GAS7: variants seen among roughly 807,000 people sequenced by gnomAD.
The protein encoded by GAS7 is growth arrest specific 7, also known as growth arrest-specific protein 7.
GAS7 carries 28 observed loss-of-function variants against 71.1 expected under a neutral mutation model. The ratio of observed to expected loss-of-function variants is 0.39; its 90% confidence interval spans 0.29 to 0.54. The LOEUF (loss-of-function observed/expected upper bound fraction) is 0.54. Among genes scored for constraint, GAS7 ranks in the 20% least tolerant of loss-of-function variants. The pLI is 0.62. For synonymous variants in GAS7, 258 were observed against 245.8 expected (o/e 1.05, Z -0.46); for missense variants, 436 against 627.8 (o/e 0.69, Z 3.27).
At chr17:10,150,616 TCTCA>T (rs1240823741) in intron 1 of GAS7, among the ~76,000 whole-genome samples, 2 of 87,948 alleles carry the variant, frequency 2.3e-5, no homozygotes, top group Non-Finnish European at 4.3e-5. Flanking sequence ...TTAGACAGGG[TCTCA>T]CTCTCTTGCC....
Position 9,916,154 on chromosome 17 carries a change from C to A in GAS7, c.*1074G>T. The A allele has an allele frequency of 4.3e-6, 1 of 233,102 alleles. No individual in the cohort carries two copies. Among genetic ancestry groups the A allele is most frequent in the East Asian group, 6.0e-5 (1 of 16,546 alleles). 14.4% of individuals were successfully genotyped at this position (233,102 alleles called of 1,614,324 possible). A position where few individuals can be genotyped will look rare whatever the true frequency, so the allele number is the denominator to read the frequency against. ...AGAAAACTGTACAAGGGACAGCAGTCCCAGCCCTGCCATACACAAGAAGAC... is the reference window on the plus strand; with the variant it reads ...AGAAAACTGTACAAGGGACAGCAGTACCAGCCCTGCCATACACAAGAAGAC... On this transcript the variant is annotated 3_prime_UTR_variant, in exon 14 of 14. Coordinates refer to ENST00000432992, the MANE Select transcript of GAS7 (RefSeq NM_201433.2).
In GAS7 at chr17:10,041,174, A is replaced by AAAAAAAAG. The variant is rs1555528019; in HGVS notation, c.184-21278_184-21277insCTTTTTTT. On this transcript the variant is annotated intron_variant, in intron 1 of 13. Transcript: ENST00000432992. ...AAGACTGCCTAAAAAAAAAAAAAAA[A>AAAAAAAAG]AAGAAGAAGGTAAAAGCAAAACTTC... Among the ~76,000 whole-genome samples the AAAAAAAAG allele has an allele frequency of 4.1e-4, 62 of 151,116 alleles. 2 individuals carry two copies. The South Asian group carries it at 0.011, about 27-fold the overall frequency.
intron 1 of GAS7, among the ~76,000 whole-genome samples, chr17:10,123,021 G>A (rs2073917305): frequency 6.6e-6 from 1 of 151,968 alleles, no homozygotes; most frequent in Non-Finnish European, 1.5e-5. Flanking sequence ...TTGAGGTGAC[G>A]GGGTCTCACC....
intron 9 of GAS7, among the ~76,000 whole-genome samples, chr17:9,929,720 G>T (rs964930001): frequency 2.0e-5 from 3 of 151,922 alleles, no homozygotes; most frequent in South Asian, 2.1e-4. Context: ...CTCATGATCC[G>T]CCCGCCTCGG....
intron 1 of GAS7, among the ~76,000 whole-genome samples, chr17:10,058,451 CA>C (rs1303509856): frequency 0.062 from 5,758 of 92,704 alleles, 322 homozygotes; most frequent in African/African-American, 0.19. Context: ...GACTCCGTCT[CA>C]AAAAAAAAAA....
chr17:9,935,088 C>T (rs2068351450), intron 8 of GAS7, among the ~76,000 whole-genome samples: 1 of 152,198 alleles, frequency 6.6e-6, no homozygotes, highest in African/African-American at 2.4e-5. Context: ...CACAGCGCTG[C>T]TTATAGGAAA....
chr17:9,941,166 C>T (rs1377843077), intron 7 of GAS7, among the ~76,000 whole-genome samples: 1 of 152,212 alleles, frequency 6.6e-6, no homozygotes, highest in Non-Finnish European at 1.5e-5. Context: ...TCAGGAGACT[C>T]ACAATCTCGT....
At chr17:10,055,413 C>T (rs907035288) in intron 1 of GAS7, among the ~76,000 whole-genome samples, 8 of 152,206 alleles carry the variant, frequency 5.3e-5, no homozygotes, top group African/African-American at 1.9e-4. Context: ...GAAGCTGTCC[C>T]CTGGCGGACC....
rs1567567213 is a variant in GAS7 at position 10,046,831 on chromosome 17, AG to A, written c.184-26935del. On this transcript the variant is annotated intron_variant, in intron 1 of 13. Transcript: ENST00000432992. Reference sequence around the variant, plus strand: ...AAGGAAGGAAGGAAGGAAGGAAGGAAGGAAGGAAGGAAGGAAAGAAAAGAAA... The same window carrying A: ...AAGGAAGGAAGGAAGGAAGGAAGGAAGAAGGAAGGAAGGAAAGAAAAGAAA... 3.4e-3 allele frequency among the ~76,000 whole-genome samples: 428 copies of A among 126,926 alleles called. 2 individuals are homozygous for A. The highest frequency in any genetic ancestry group is 9.8e-3 in the East Asian group (44 of 4,494). The allele number at this position is 126,926 out of a possible 152,430, so 83.3% of individuals were successfully genotyped here. A position where few individuals can be genotyped will look rare whatever the true frequency, so the allele number is the denominator to read the frequency against.
intron 2 of GAS7, among the ~76,000 whole-genome samples, chr17:9,998,360 G>A (rs8069470): frequency 0.23 from 35,612 of 152,222 alleles, 6,362 homozygotes; most frequent in African/African-American, 0.5. Context: ...CTTGGCTACT[G>A]CTACTGGACC....
chr17:10,013,562 T>C (rs2071867486), intron 2 of GAS7, among the ~76,000 whole-genome samples: 2 of 152,180 alleles, frequency 1.3e-5, no homozygotes, highest in South Asian at 4.1e-4. Flanking sequence ...ACAAGAAAGA[T>C]GGGGACTTCC....
At chr17:9,991,234 C>A (rs2070829817) in intron 2 of GAS7, among the ~76,000 whole-genome samples, 1 of 152,152 alleles carries the variant, frequency 6.6e-6, no homozygotes, top group African/African-American at 2.4e-5. Context: ...GCACATCTCC[C>A]AAAAGAGGGG....
At chr17:10,154,938 A>ACACACG (rs1315179274) in intron 1 of GAS7, among the ~76,000 whole-genome samples, 1 of 151,572 alleles carries the variant, frequency 6.6e-6, no homozygotes, top group Non-Finnish European at 1.5e-5. Flanking sequence ...ACACACACAC[A>ACACACG]CACACACACA....
At chr17:9,992,367 T>A (rs1293947879) in intron 2 of GAS7, among the ~76,000 whole-genome samples, 5 of 151,944 alleles carry the variant, frequency 3.3e-5, no homozygotes, top group Middle Eastern at 6.8e-3. Flanking sequence ...CACAAACCCA[T>A]GAGCATGACT....
At chr17:10,169,508 G>A (rs2074319795) in intron 1 of GAS7, among the ~76,000 whole-genome samples, 2 of 152,140 alleles carry the variant, frequency 1.3e-5, no homozygotes, top group Admixed American at 1.3e-4. Flanking sequence ...TATCTCAGAT[G>A]GTCCCTGATG....
At chr17:10,021,493 G>C (rs1402111039) in intron 1 of GAS7, among the ~76,000 whole-genome samples, 1 of 152,228 alleles carries the variant, frequency 6.6e-6, no homozygotes, top group African/African-American at 2.4e-5. Flanking sequence ...CGTAGCTGCG[G>C]TGTAAGTTTC....
intron 1 of GAS7, among the ~76,000 whole-genome samples, chr17:10,179,708 G>C (rs2074399832): frequency 6.6e-6 from 1 of 152,064 alleles, no homozygotes; most frequent in Non-Finnish European, 1.5e-5. Context: ...AGACAAACAG[G>C]GACCTGATGG....
intron 1 of GAS7, among the ~76,000 whole-genome samples, chr17:10,075,730 G>A (rs546093119): frequency 1.0e-3 from 152 of 151,668 alleles, no homozygotes; most frequent in African/African-American, 3.4e-3. Flanking sequence ...AGGAGATTGA[G>A]GCTTCAGTGA....
chr17:9,967,418 ACC>A (rs140638757), intron 4 of GAS7, among the ~76,000 whole-genome samples: 74,418 of 151,174 alleles, frequency 0.49, 18,378 homozygotes, highest in African/African-American at 0.53. Flanking sequence ...TGCCAGTAGC[ACC>A]CCCCCTCCCC....
Sources: allele counts gnomAD v4.1 joint callset (sites outside exome capture counted in the v4.1 genomes callset), GRCh38; gene constraint gnomAD v4.1.1; transcripts MANE v1.5; gene names NCBI Gene and HGNC (gene_info 2026-07-23, HGNC 2026-07-21).